The following SCHIP1 variants were observed in gnomAD, a reference collection of about 807,000 sequenced individuals.
SCHIP1 encodes schwannomin interacting protein 1.
A neutral mutation model predicts 29.7 loss-of-function variants in SCHIP1; 8 were observed. That is an observed-to-expected ratio of 0.27 (90% CI 0.16 to 0.49). The LOEUF (loss-of-function observed/expected upper bound fraction) is 0.49, where lower values mean the gene tolerates loss of function less well. Among genes scored for constraint, SCHIP1 ranks in the 20% least tolerant of loss-of-function variants. The pLI is 0.99. For synonymous variants in SCHIP1, 76 were observed against 94.9 expected (o/e 0.80, Z 1.16); for missense variants, 193 against 294.6 (o/e 0.66, Z 2.52).
At chr3:159,886,420 A>C (rs1716968274) in intron 3 of SCHIP1, 96 bp downstream of exon 4, 1 of 1,147,294 alleles carries the variant, frequency 8.7e-7, no homozygotes, top group Admixed American at 2.3e-5. Context: ...CAAACATTTC[A>C]GAGATTAAAG....
chr3:159,857,619 A>G (rs549244482), intron 1 of SCHIP1, among the ~76,000 whole-genome samples: 1 of 152,138 alleles, frequency 6.6e-6, no homozygotes, highest in South Asian at 2.1e-4. Context: ...GCCTCTGACA[A>G]CCGCTAATTT....
At chr3:159,314,299 G>A in the SCHIP1 span, among the ~76,000 whole-genome samples, 29 of 152,164 alleles carry the variant, frequency 1.9e-4, no homozygotes, top group Non-Finnish European at 1.5e-4. Flanking sequence ...AGCAGAAACT[G>A]GAAGTCCAGT....
the SCHIP1 span, among the ~76,000 whole-genome samples, chr3:159,519,245 T>A: frequency 1.3e-5 from 2 of 152,174 alleles, no homozygotes; most frequent in Non-Finnish European, 2.9e-5. Context: ...AAGAAGCAAT[T>A]AAAGAAAGCT....
At chr3:159,886,147 T>A in intron 2 of SCHIP1, 60 bp from the exon 4 acceptor site, 1 of 1,591,720 alleles carries the variant, frequency 6.3e-7, no homozygotes, top group Non-Finnish European at 8.6e-7. Context: ...ACAGTTCTAT[T>A]GGCTGAAGCC....
chr3:159,510,278 C>G, the SCHIP1 span, among the ~76,000 whole-genome samples: 13 of 152,174 alleles, frequency 8.5e-5, no homozygotes, highest in African/African-American at 2.9e-4. Flanking sequence ...GAAGCTTGTG[C>G]TTTCATCACA....
At chr3:159,510,385 G>A in the SCHIP1 span, among the ~76,000 whole-genome samples, 2 of 152,164 alleles carry the variant, frequency 1.3e-5, no homozygotes, top group East Asian at 3.9e-4. Context: ...TTTTTTCAAG[G>A]TTTTTAACTT....
the SCHIP1 span, among the ~76,000 whole-genome samples, chr3:159,673,591 C>G: frequency 1.3e-3 from 205 of 152,190 alleles, no homozygotes; most frequent in Middle Eastern, 3.4e-3. Context: ...CTATATAGGC[C>G]CAGTTTGGAG....
the SCHIP1 span, among the ~76,000 whole-genome samples, chr3:159,439,476 C>A: frequency 6.6e-6 from 1 of 152,114 alleles, no homozygotes; most frequent in Non-Finnish European, 1.5e-5. Flanking sequence ...GGGGAAACCA[C>A]CCCATGATTC....
chr3:159,591,275 T>C, the SCHIP1 span, among the ~76,000 whole-genome samples: 83 of 152,304 alleles, frequency 5.4e-4, no homozygotes, highest in Non-Finnish European at 1.1e-3. Flanking sequence ...CTTGCCTGAT[T>C]GCCCTGGCCA....
intron 2 of SCHIP1, among the ~76,000 whole-genome samples, chr3:159,871,787 C>G (rs1249167522): frequency 6.7e-6 from 1 of 149,302 alleles, no homozygotes; most frequent in Non-Finnish European, 1.5e-5. Flanking sequence ...TAAAGCATCT[C>G]TTTGCCACCT....
chr3:159,407,615 G>T, the SCHIP1 span, among the ~76,000 whole-genome samples: 1 of 152,228 alleles, frequency 6.6e-6, no homozygotes, highest in South Asian at 2.1e-4. Context: ...TCATTTTCAA[G>T]GATAGATCAT....
the SCHIP1 span, among the ~76,000 whole-genome samples, chr3:159,537,489 T>C: frequency 6.6e-6 from 1 of 152,208 alleles, no homozygotes; most frequent in Non-Finnish European, 1.5e-5. Context: ...CCCTCCAGTC[T>C]TCCCTCTCCT....
the SCHIP1 span, among the ~76,000 whole-genome samples, chr3:159,349,816 A>T: frequency 6.6e-5 from 10 of 152,176 alleles, 1 homozygote; most frequent in Admixed American, 5.9e-4. Flanking sequence ...GATGAAGCTT[A>T]AAGATGATAG....
At chr3:159,613,582 G>A in the SCHIP1 span, among the ~76,000 whole-genome samples, 14 of 152,202 alleles carry the variant, frequency 9.2e-5, no homozygotes, top group East Asian at 3.9e-4. Context: ...TATGACCTAC[G>A]GGTTGAACTT....
chr3:159,733,280 A>G, the SCHIP1 span, among the ~76,000 whole-genome samples: 1 of 152,242 alleles, frequency 6.6e-6, no homozygotes, highest in African/African-American at 2.4e-5. Context: ...ATTAACTAAT[A>G]AAACTTTTTA....
chr3:159,337,026 A>G, the SCHIP1 span, among the ~76,000 whole-genome samples: 3 of 152,052 alleles, frequency 2.0e-5, no homozygotes, highest in Admixed American at 2.0e-4. Flanking sequence ...CATTGAGCAG[A>G]TGCAAGGCTG....
chr3:159,575,077 G>A, the SCHIP1 span, among the ~76,000 whole-genome samples: 94 of 152,252 alleles, frequency 6.2e-4, no homozygotes, highest in African/African-American at 2.0e-3. Context: ...GTGATGCCCC[G>A]CCCTGCTTTG....
chr3:159,438,592 A>T, the SCHIP1 span, among the ~76,000 whole-genome samples: 1 of 152,088 alleles, frequency 6.6e-6, no homozygotes, highest in Non-Finnish European at 1.5e-5. Flanking sequence ...TCACCCAGGT[A>T]TTAAGCCCAG....
chr3:159,568,754 G>T, the SCHIP1 span, among the ~76,000 whole-genome samples: 1 of 151,986 alleles, frequency 6.6e-6, no homozygotes, highest in Non-Finnish European at 1.5e-5. Context: ...TAATTATGTT[G>T]TTGTAATTTT....
Sources: gnomAD v4.1 joint callset for allele counts (sites outside exome capture counted in the v4.1 genomes callset) on GRCh38, gnomAD v4.1.1 for gene constraint, MANE v1.5 for transcripts, NCBI Gene and HGNC (gene_info 2026-07-23, HGNC 2026-07-21) for gene names.